PLEKHG2: variants seen among roughly 807,000 people sequenced by gnomAD.
The protein encoded by PLEKHG2 is pleckstrin homology domain-containing family G member 2.
In PLEKHG2, 71 loss-of-function variants were observed where a neutral mutation model predicts 104.4. The observed-to-expected ratio is 0.68, with a 90% CI of 0.56 to 0.83. PLEKHG2 has a LOEUF of 0.83. Among genes scored for constraint, PLEKHG2 ranks in the 40% least tolerant of loss-of-function variants. The probability of loss-of-function intolerance (pLI) is 0.00; values close to 1 mark genes in which losing one functional copy is unlikely to be tolerated. For missense variants in PLEKHG2, 1,730 were observed against 1,809.4 expected, an observed-to-expected ratio of 0.96 and a Z score of 0.80; for synonymous variants, 728 against 737.0, an observed-to-expected ratio of 0.99 and a Z score of 0.20.
intron 16 of PLEKHG2, 96 bp downstream of exon 16, chr19:39,421,395 G>A (rs2146006000): frequency 1.5e-6 from 2 of 1,337,656 alleles, no homozygotes; most frequent in Non-Finnish European, 2.1e-6. Context: ...TGAATGAGAA[G>A]GGGATTGGGG....
rs1444534943 is a variant in PLEKHG2 at position 39,425,583 on chromosome 19, CAGAACA to C, written c.*291_*296del. 20 of 441,892 alleles carry C rather than the reference CAGAACA, an allele frequency of 4.5e-5. No individual in the cohort carries two copies. The highest frequency in any genetic ancestry group is 7.7e-5 in the Non-Finnish European group (20 of 258,076). The allele number at this position is 441,892 out of a possible 1,614,324, so 27.4% of individuals were successfully genotyped here. A position where few individuals can be genotyped will look rare whatever the true frequency, so the allele number is the denominator to read the frequency against. On this transcript the variant is annotated 3_prime_UTR_variant, in exon 19 of 19. Coordinates refer to ENST00000425673, the MANE Select transcript of PLEKHG2 (RefSeq NM_022835.3). ...AGACAATGAATGGGAAGGTCTGACA[CAGAACA>C]AATCAGCGGTTCTGAAAGCTTGGGG...
chr19:39,420,996 G>A lies in PLEKHG2; in HGVS notation c.1447G>A (p.Glu483Lys), dbSNP rs1386562975. ...SVIRRGRRQS[E>K]PVKDPYVMFP... ...GATTCGCCGAGGCCGCAGGCAGTCT[G>A]GTGAGCACTCACCCCTAAGGGTGAT... The change falls in exon 14 of 19, where the codon GAG (glutamate) becomes AAG (lysine). Residue 483 changes from glutamate (E) to lysine (K), a missense_variant and splice_region_variant. Transcript: ENST00000425673. The A allele has an allele frequency of 6.2e-7, 1 of 1,613,946 alleles. No homozygotes were observed. Among genetic ancestry groups the A allele is most frequent in the Non-Finnish European group, 8.5e-7 (1 of 1,180,016 alleles).
At position 39,415,485 on chromosome 19, in the gene PLEKHG2, G is replaced by A. The variant is rs369395655; in HGVS notation, c.479+46G>A. On this transcript the variant is annotated intron_variant, in intron 4 of 18. Coordinates refer to ENST00000425673, the MANE Select transcript of PLEKHG2 (RefSeq NM_022835.3). The surrounding 1 kb of genome is among the most constrained non-coding windows in gnomAD (Gnocchi z 4.6). ...GCAGGGGGCATTGATTGGTTGGAGG[G>A]TCTATTTCCTAATCCAAACCTCGGA... The A allele has an allele frequency of 1.2e-5, 19 of 1,599,544 alleles. No individual in the cohort carries two copies. The highest frequency in any genetic ancestry group is 3.4e-4 in the Middle Eastern group (2 of 5,822).
At chr19:39,420,555 G>A (rs1299993587) in intron 11 of PLEKHG2, 71 bp from the exon 12 acceptor site, 12 of 1,599,520 alleles carry the variant, frequency 7.5e-6, no homozygotes, top group South Asian at 2.2e-5. Context: ...GCATGACTAC[G>A]GTGCTTAAAG....
At chr19:39,421,746 C>T (rs569467805) in intron 16 of PLEKHG2, 6 of 219,958 alleles carry the variant, frequency 2.7e-5, no homozygotes, top group South Asian at 1.9e-4. Context: ...GAGCCAGGTA[C>T]GGTGGCTCAC....
rs572837081 is a variant in PLEKHG2, at chr19:39,421,045, G to T, written c.1448-30G>T. 5.6e-6 allele frequency: 9 copies of T among 1,614,018 alleles called. No homozygotes were observed. In the South Asian group the frequency reaches 8.8e-5, roughly 16 times the overall value. On this transcript the variant is annotated intron_variant, in intron 14 of 18. Coordinates refer to ENST00000425673, the MANE Select transcript of PLEKHG2 (RefSeq NM_022835.3). Reference sequence around the variant, plus strand: ...ATCCAGGCATCGGGGTGGGAGCTGGGCTCCTGACATCACTGTGTCCTCCCC... The same window carrying T: ...ATCCAGGCATCGGGGTGGGAGCTGGTCTCCTGACATCACTGTGTCCTCCCC...
intron 17 of PLEKHG2, 115 bp downstream of exon 17, chr19:39,422,403 A>C (rs1347333617): frequency 8.4e-7 from 1 of 1,191,140 alleles, no homozygotes; most frequent in African/African-American, 1.6e-5. Context: ...TTTGAGATGG[A>C]GTCTTGCTCT....
At position 39,422,818 on chromosome 19, in the gene PLEKHG2, C is replaced by A; in HGVS notation, c.1764C>A (p.Ser588Arg). Residue 588 changes from serine (S) to arginine (R), a missense_variant, in exon 18 of 19, where the codon AGC becomes AGA. By Grantham distance (110) the Ser-to-Arg change is moderately radical. Transcript: ENST00000425673. ...CCCTCACATTCCAAGCCCTGCCCAG[C>A]CGGGACTCTTCAGAAGAGGAGGAGG... is the stretch of plus-strand genomic sequence containing the variant. ...SETLTFQALP[S>R]RDSSEEEEEE... is the part of the protein sequence containing the mutation. The A allele has an allele frequency of 6.4e-7, 1 of 1,551,262 alleles. No individual in the cohort carries two copies. Among genetic ancestry groups the A allele is most frequent in the Non-Finnish European group, 8.7e-7 (1 of 1,148,514 alleles).
rs1406123724 is a variant in PLEKHG2 at position 39,426,327 on chromosome 19, TC to T, written c.*1037del. ...CACATACCTCAGATCCCTTCACTCCTCCCCGCAGTTTGCAGCCTCTACAATT... is the reference window on the plus strand; with the variant it reads ...CACATACCTCAGATCCCTTCACTCCTCCCGCAGTTTGCAGCCTCTACAATT... On this transcript the variant is annotated 3_prime_UTR_variant, in exon 19 of 19. Coordinates refer to ENST00000425673, the MANE Select transcript of PLEKHG2 (RefSeq NM_022835.3). 2 of 152,130 alleles carry T rather than the reference TC, an allele frequency of 1.3e-5. No homozygotes were observed. Among genetic ancestry groups the T allele is most frequent in the South Asian group, 2.1e-4 (1 of 4,830 alleles). 9.4% of individuals were successfully genotyped at this position (152,130 alleles called of 1,614,324 possible). A position where few individuals can be genotyped will look rare whatever the true frequency, so the allele number is the denominator to read the frequency against.
intron 9 of PLEKHG2, 131 bp downstream of exon 9, chr19:39,418,236 G>A (rs538631029): frequency 3.7e-6 from 3 of 814,260 alleles, no homozygotes; most frequent in South Asian, 7.1e-5. Context: ...TGGAAGCCAA[G>A]GGAAGCTTTC....
rs1049081847 is a variant in PLEKHG2, at chr19:39,415,771, G to C, written c.479+332G>C. Among the ~76,000 whole-genome samples, 1 of 152,144 alleles carries C rather than the reference G, an allele frequency of 6.6e-6. No individual in the cohort carries two copies. Among genetic ancestry groups the C allele is most frequent in the Non-Finnish European group, 1.5e-5 (1 of 68,022 alleles). On this transcript the variant is annotated intron_variant, in intron 4 of 18. Transcript: ENST00000425673. The surrounding 1 kb of genome is among the most constrained non-coding windows in gnomAD (Gnocchi z 4.6). ...AGCCCAAACACTGGGACAGGGTCCC[G>C]GCATCAGGACGAGTCCTTGGGGCTG...
At chr19:39,421,215 T>C (rs1458329120) in intron 15 of PLEKHG2, 68 bp from the exon 16 acceptor site, 6 of 1,612,410 alleles carry the variant, frequency 3.7e-6, no homozygotes, top group African/African-American at 1.3e-5. Context: ...TCATCAGTTA[T>C]GGGGGAATCA....
chr19:39,423,599 G>A lies in PLEKHG2; in HGVS notation c.2545G>A (p.Val849Ile), dbSNP rs761190183. The part of the protein sequence containing the change: ...SANAPRRRPR[V>I]LAQPQPSPCL... The stretch of plus-strand genomic sequence containing the variant: ...CAATGCCCCGCGCCGCCGGCCTCGG[G>A]TTCTGGCCCAACCCCAGCCATCCCC... The change falls in exon 18 of 19, where the codon GTT becomes ATT. Residue 849 changes from valine (V) to isoleucine (I), a missense_variant. By Grantham distance (29) the Val-to-Ile change is conservative. Coordinates refer to ENST00000425673, the MANE Select transcript of PLEKHG2 (RefSeq NM_022835.3). 12 of 1,535,370 alleles carry A rather than the reference G, an allele frequency of 7.8e-6. No individual in the cohort carries two copies. The highest frequency in any genetic ancestry group is 3.5e-6 in the Non-Finnish European group (4 of 1,142,490).
Position 39,424,186 on chromosome 19 carries a change from C to T in PLEKHG2, c.3053C>T (p.Thr1018Ile). The T allele has an allele frequency of 6.2e-7, 1 of 1,614,220 alleles. No individual in the cohort carries two copies. The highest frequency in any genetic ancestry group is 8.5e-7 in the Non-Finnish European group (1 of 1,180,036). ...QGHCADIHVP[T>I]TPALPKEICS... ...CACTGTGCGGACATCCACGTTCCCA[C>T]CACTCCAGCTTTGCCCAAGGAGATT... Residue 1018 changes from threonine to isoleucine, a missense_variant, in exon 19 of 19, where the codon ACC becomes ATC. By Grantham distance (89) the Thr-to-Ile change is moderately conservative. Transcript: ENST00000425673.
At position 39,413,870 on chromosome 19, in the gene PLEKHG2, G is replaced by A. The variant is rs982860039; in HGVS notation, c.-22-195G>A. The A allele has an allele frequency of 2.2e-6, 1 of 460,324 alleles. No homozygotes were observed. Among genetic ancestry groups the A allele is most frequent in the African/African-American group, 2.0e-5 (1 of 50,600 alleles). The allele number at this position is 460,324 out of a possible 1,614,324, so 28.5% of individuals were successfully genotyped here. On this transcript the variant is annotated intron_variant, in intron 1 of 18. Transcript: ENST00000425673. This position sits in a 1 kb window ranked among gnomAD's most constrained non-coding sequence, Gnocchi z 4.5. ...GCTCCGCTCACTCTTCTTTGTCTCA[G>A]CCTTTCCATCTTTTTCGCCAGGTTC...
intron 8 of PLEKHG2, 61 bp from the exon 9 acceptor site, chr19:39,417,844 G>A (rs545975968): frequency 5.7e-5 from 86 of 1,507,048 alleles, no homozygotes; most frequent in Non-Finnish European, 7.1e-5. Flanking sequence ...TGGTGTGTAT[G>A]TGTGTGCCAC....
Position 39,415,056 on chromosome 19 carries a change from G to A in PLEKHG2, c.174G>A (p.Val58=), listed in dbSNP as rs769142021. The A allele has an allele frequency of 2.3e-5, 36 of 1,593,430 alleles. No individual in the cohort carries two copies. Among genetic ancestry groups the A allele is most frequent in the Non-Finnish European group, 2.9e-5 (34 of 1,170,590 alleles). The change falls in exon 3 of 19, where the codon GTG becomes GTA. Residue 58 remains valine (V), a synonymous_variant. Coordinates refer to ENST00000425673, the MANE Select transcript of PLEKHG2 (RefSeq NM_022835.3). The surrounding 1 kb of genome is among the most constrained non-coding windows in gnomAD (Gnocchi z 4.6). ...GSGSSTSLST[V]GSEGDPAPGP... ...GGAGCTCCACATCCCTGAGCACAGT[G>A]GGCTCTGAGGGGGATCCAGCCCCTG...
rs1431767646 is a variant in PLEKHG2, at chr19:39,415,956, AC to A, written c.480-390del. On this transcript the variant is annotated intron_variant, in intron 4 of 18. Coordinates refer to ENST00000425673, the MANE Select transcript of PLEKHG2 (RefSeq NM_022835.3). The surrounding 1 kb of genome is among the most constrained non-coding windows in gnomAD (Gnocchi z 4.6). ...TAGGAAACTGCTCAGTCCCGGACAA[AC>A]CAGGATGGTTGGTCACTGTGGTAAG... is the stretch of plus-strand genomic sequence containing the variant. 6.6e-6 allele frequency among the ~76,000 whole-genome samples: 1 copy of A among 152,122 alleles called. No individual in the cohort carries two copies. The highest frequency in any genetic ancestry group is 1.5e-5 in the Non-Finnish European group (1 of 68,006).
In PLEKHG2 at chr19:39,418,019, G is replaced by T. The variant is rs1013676177; in HGVS notation, c.997G>T (p.Gly333Cys). ...AGGGGGTGGCCCCCGGCTACGAGGG[G>T]GTGAGCGGCTGCTCTTCCTGTTCTC... Reference protein sequence around the residue: ...GGGGGPRLRGGERLLFLFSRM... With the variant: ...GGGGGPRLRGCERLLFLFSRM... The change falls in exon 9 of 19, where the codon GGT becomes TGT. Residue 333 changes from glycine (G) to cysteine (C), a missense_variant. Transcript: ENST00000425673. 5 of 1,562,472 alleles carry T rather than the reference G, an allele frequency of 3.2e-6. No individual in the cohort carries two copies. The highest frequency in any genetic ancestry group is 4.3e-6 in the Non-Finnish European group (5 of 1,155,122).
Sources: allele counts gnomAD v4.1 joint callset (sites outside exome capture counted in the v4.1 genomes callset), GRCh38; gene constraint gnomAD v4.1.1; non-coding constraint Gnocchi (gnomAD v3.1); transcripts MANE v1.5; gene names NCBI Gene and HGNC (gene_info 2026-07-23, HGNC 2026-07-21).